Variants in CCSER1 observed in about 807,000 individuals in gnomAD.
CCSER1 encodes the protein serine-rich coiled-coil domain-containing protein 1.
CCSER1 carries 41 observed loss-of-function variants against 82.0 expected under a neutral mutation model. The observed-to-expected ratio is 0.50, with a 90% CI of 0.39 to 0.65. CCSER1 has a LOEUF of 0.65. CCSER1 is among the 30% of genes least tolerant of loss of function. The probability of loss-of-function intolerance (pLI) is 0.00; values close to 1 mark genes in which losing one functional copy is unlikely to be tolerated. For synonymous variants in CCSER1, 414 were observed against 383.9 expected, an observed-to-expected ratio of 1.08 and a Z score of -0.92; for missense variants, 1,119 against 1,064.2, an observed-to-expected ratio of 1.05 and a Z score of -0.72.
rs1362988143 is a variant in CCSER1, at chr4:90,811,986, AT to A, written c.2011-3775del. On this transcript the variant is annotated intron_variant, in intron 7 of 10. Coordinates refer to ENST00000509176, the MANE Select transcript of CCSER1 (RefSeq NM_001145065.2). Reference sequence around the variant, plus strand: ...TATATACACATATATATATATATATATATAAACACATATATATATATGAGTT... The same window carrying A: ...TATATACACATATATATATATATATAATAAACACATATATATATATGAGTT... Among the ~76,000 whole-genome samples, 154 of 138,580 alleles carry A rather than the reference AT, an allele frequency of 1.1e-3. 1 individual carries two copies. The highest frequency in any genetic ancestry group is 1.9e-3 in the Non-Finnish European group (122 of 62,670). The allele number at this position is 138,580 out of a possible 152,430, so 90.9% of individuals were successfully genotyped here.
At chr4:91,134,255 G>A (rs1250691926) in intron 10 of CCSER1, among the ~76,000 whole-genome samples, 1 of 151,944 alleles carries the variant, frequency 6.6e-6, no homozygotes, top group Non-Finnish European at 1.5e-5. Context: ...AGATTATTGG[G>A]GTGTAGTGGC....
intron 5 of CCSER1, among the ~76,000 whole-genome samples, chr4:90,617,162 T>A (rs1349083655): frequency 6.6e-6 from 1 of 152,170 alleles, no homozygotes; most frequent in African/African-American, 2.4e-5. Context: ...ACAATACATA[T>A]AAAACAACGT....
intron 1 of CCSER1, among the ~76,000 whole-genome samples, chr4:90,187,746 A>G (rs529937167): frequency 1.8e-4 from 27 of 151,938 alleles, no homozygotes; most frequent in Non-Finnish European, 3.7e-4. Context: ...ATGAGTAAAC[A>G]CCACAGATGA....
intron 5 of CCSER1, among the ~76,000 whole-genome samples, chr4:90,484,581 C>T (rs927946056): frequency 6.6e-6 from 1 of 152,152 alleles, no homozygotes; most frequent in Non-Finnish European, 1.5e-5. Flanking sequence ...TGTTAGTTTT[C>T]CTTCTAACAG....
At chr4:90,190,939 AAT>A (rs562374696) in intron 1 of CCSER1, among the ~76,000 whole-genome samples, 103 of 152,234 alleles carry the variant, frequency 6.8e-4, no homozygotes, top group African/African-American at 2.4e-3. Context: ...CTTTATATGT[AAT>A]AGCTAACACA....
chr4:91,062,144 A>G (rs1267661860), intron 9 of CCSER1, among the ~76,000 whole-genome samples: 1 of 151,926 alleles, frequency 6.6e-6, no homozygotes, highest in Non-Finnish European at 1.5e-5. Context: ...TCTTTTTCCC[A>G]AATTAACTGC....
rs1762228939 is a variant in CCSER1 at position 91,552,988 on chromosome 4, GA to G, written c.2218-45582del. ...GACAAGATTTCGGATTCTCACCATT[GA>G]ATATAACGTTAGCTGTGATTTGTTT... On this transcript the variant is annotated intron_variant, in intron 10 of 10. Transcript: ENST00000509176. 1.3e-5 allele frequency among the ~76,000 whole-genome samples: 2 copies of G among 151,318 alleles called. 1 individual carries two copies. The highest frequency in any genetic ancestry group is 4.2e-4 in the South Asian group (2 of 4,788).
intron 5 of CCSER1, among the ~76,000 whole-genome samples, chr4:90,561,072 T>C (rs1378135764): frequency 6.6e-6 from 1 of 152,202 alleles, no homozygotes; most frequent in Non-Finnish European, 1.5e-5. Context: ...GCTATAAAAA[T>C]AGCAGAAGAT....
chr4:90,682,049 C>T (rs1733983975), intron 6 of CCSER1, among the ~76,000 whole-genome samples: 1 of 151,332 alleles, frequency 6.6e-6, no homozygotes, highest in African/African-American at 2.4e-5. Context: ...TGCTAAACTA[C>T]AAGTGCTTGC....
rs559245138 is a variant in CCSER1, at chr4:90,203,908, A to G, written c.-42+76077A>G. ...TCTAACTGGCACGAGATGGTATCTCATTGTGGTTTTGATTTGCATTTCTCT... is the reference window on the plus strand; with the variant it reads ...TCTAACTGGCACGAGATGGTATCTCGTTGTGGTTTTGATTTGCATTTCTCT... On this transcript the variant is annotated intron_variant, in intron 1 of 10. Transcript: ENST00000509176. Among the ~76,000 whole-genome samples, 17 of 152,212 alleles carry G rather than the reference A, an allele frequency of 1.1e-4. No homozygotes were observed. The South Asian group carries it at 2.7e-3, about 24-fold the overall frequency.
chr4:91,025,634 A>G (rs1163918345), intron 9 of CCSER1, among the ~76,000 whole-genome samples: 1 of 152,106 alleles, frequency 6.6e-6, no homozygotes, highest in Non-Finnish European at 1.5e-5. Flanking sequence ...TCTAATCAGT[A>G]AGAACTAGAA....
intron 8 of CCSER1, among the ~76,000 whole-genome samples, chr4:90,884,541 A>G (rs1385903180): frequency 3.3e-5 from 5 of 152,176 alleles, no homozygotes; most frequent in African/African-American, 7.2e-5. Flanking sequence ...TAAATTGGAT[A>G]GCTCTATACA....
At chr4:91,215,903 G>A (rs1354523007) in intron 10 of CCSER1, among the ~76,000 whole-genome samples, 1 of 152,118 alleles carries the variant, frequency 6.6e-6, no homozygotes, top group African/African-American at 2.4e-5. Flanking sequence ...TCTGCAAAGT[G>A]GCCAAACTCC....
At chr4:90,829,896 C>T (rs1760921473) in intron 8 of CCSER1, among the ~76,000 whole-genome samples, 1 of 152,132 alleles carries the variant, frequency 6.6e-6, no homozygotes, top group Non-Finnish European at 1.5e-5. Context: ...TATATGCATG[C>T]CTATCTGAGG....
chr4:91,110,261 G>T (rs867185700), intron 10 of CCSER1, among the ~76,000 whole-genome samples: 2 of 150,364 alleles, frequency 1.3e-5, no homozygotes, highest in African/African-American at 4.9e-5. Context: ...TGAACAAGTT[G>T]CCTATCTTTT....
chr4:90,495,718 C>A (rs1194996293), intron 5 of CCSER1, among the ~76,000 whole-genome samples: 1 of 152,086 alleles, frequency 6.6e-6, no homozygotes, highest in Non-Finnish European at 1.5e-5. Context: ...TGAATTATAG[C>A]AGAGATCATC....
intron 3 of CCSER1, among the ~76,000 whole-genome samples, chr4:90,323,814 C>T (rs1307846445): frequency 6.6e-6 from 1 of 152,144 alleles, no homozygotes; most frequent in Non-Finnish European, 1.5e-5. Flanking sequence ...AGCTATCCCT[C>T]CCCTCTCTTC....
chr4:90,606,730 A>G (rs963137767), intron 5 of CCSER1, among the ~76,000 whole-genome samples: 5 of 152,146 alleles, frequency 3.3e-5, no homozygotes, highest in Admixed American at 3.3e-4. Context: ...TTCCTAAATT[A>G]TTATGTCTCT....
chr4:91,335,110 C>G (rs1365222430), intron 10 of CCSER1, among the ~76,000 whole-genome samples: 1 of 151,920 alleles, frequency 6.6e-6, no homozygotes, highest in Non-Finnish European at 1.5e-5. Context: ...ATTTTTCAGC[C>G]TGGAGCCTGG....
Sources: gnomAD v4.1 joint callset for allele counts (sites outside exome capture counted in the v4.1 genomes callset) on GRCh38, gnomAD v4.1.1 for gene constraint, MANE v1.5 for transcripts, NCBI Gene and HGNC (gene_info 2026-07-23, HGNC 2026-07-21) for gene names.